CELF5: variants seen among roughly 807,000 people sequenced by gnomAD.
CELF5 encodes CUGBP Elav-like family member 5.
CELF5 carries 6 observed loss-of-function variants against 54.9 expected under a neutral mutation model. The observed-to-expected ratio is 0.11, with a 90% confidence interval of 0.06 to 0.22. CELF5 has a LOEUF of 0.22. Among genes scored for constraint, CELF5 ranks in the 10% least tolerant of loss-of-function variants. The probability of loss-of-function intolerance (pLI) is 1.00; values close to 1 mark genes in which losing one functional copy is unlikely to be tolerated. For synonymous variants in CELF5, 271 were observed against 290.9 expected (o/e 0.93, Z 0.70); for missense variants, 401 against 678.6 (o/e 0.59, Z 4.54).
At chr19:3,235,469 T>C (rs1163783507) in intron 1 of CELF5, among the ~76,000 whole-genome samples, 1 of 68,598 alleles carries the variant, frequency 1.5e-5, no homozygotes, top group East Asian at 3.4e-4. Flanking sequence ...CCTAAAAGAG[T>C]GCTTTGAACA....
chr19:3,257,642 A>G (rs1294364382), intron 2 of CELF5, among the ~76,000 whole-genome samples: 1 of 149,412 alleles, frequency 6.7e-6, no homozygotes. Flanking sequence ...TGCCCGGCTA[A>G]TTTTTGTATT....
At chr19:3,289,992 T>C (rs1184660398) in intron 10 of CELF5, among the ~76,000 whole-genome samples, 1 of 151,770 alleles carries the variant, frequency 6.6e-6, no homozygotes, top group African/African-American at 2.4e-5. Flanking sequence ...TTATCTGGAG[T>C]CTGAGGACCA....
chr19:3,290,147 C>A, intron 10 of CELF5, 84 bp from the exon 11 acceptor site: 3 of 1,030,722 alleles, frequency 2.9e-6, no homozygotes, highest in Admixed American at 2.2e-5. Context: ...AAGCCAGATG[C>A]GGGCTCCAGA....
At chr19:3,260,847 C>T (rs1396228672) in intron 2 of CELF5, among the ~76,000 whole-genome samples, 1 of 151,958 alleles carries the variant, frequency 6.6e-6, no homozygotes, top group Non-Finnish European at 1.5e-5. Context: ...TGGTCTCGAT[C>T]TCCTGACCTC....
chr19:3,263,918 T>A (rs2079844283), intron 2 of CELF5, among the ~76,000 whole-genome samples: 1 of 151,716 alleles, frequency 6.6e-6, no homozygotes, highest in Admixed American at 6.6e-5. Context: ...AATAAATAAA[T>A]AAATAATAAA....
chr19:3,289,706 A>AAAAAAAAAAAAAAAAG (rs2080311436), intron 10 of CELF5, among the ~76,000 whole-genome samples: 1 of 147,554 alleles, frequency 6.8e-6, no homozygotes, highest in Non-Finnish European at 1.5e-5. Flanking sequence ...AAAAAAAAAA[A>AAAAAAAAAAAAAAAAG]AAAAAAAAAT....
At position 3,266,027 on chromosome 19, in the gene CELF5, G is replaced by A. The variant is rs559142694; in HGVS notation, c.343-7845G>A. Among the ~76,000 whole-genome samples, 189 of 152,184 alleles carry A rather than the reference G, an allele frequency of 1.2e-3. 6 individuals are homozygous for A. The South Asian group carries it at 0.039, about 31-fold the overall frequency. On this transcript the variant is annotated intron_variant, in intron 2 of 12. Transcript: ENST00000292672. Reference sequence around the variant, plus strand: ...TCACTATGTTGGTAAGGCTGGTCTCGAACTCCTGACCTCAGGTGATCTGCC... The same window carrying A: ...TCACTATGTTGGTAAGGCTGGTCTCAAACTCCTGACCTCAGGTGATCTGCC...
chr19:3,229,216 A>G, intron 1 of CELF5, among the ~76,000 whole-genome samples: 1 of 151,786 alleles, frequency 6.6e-6, no homozygotes, highest in Non-Finnish European at 1.5e-5. Context: ...AGTGGGCTAG[A>G]TGTTAATCCG....
At chr19:3,288,391 G>T (rs537778923) in intron 10 of CELF5, among the ~76,000 whole-genome samples, 7 of 151,996 alleles carry the variant, frequency 4.6e-5, no homozygotes, top group South Asian at 2.1e-4. Context: ...GCGTGGTGAC[G>T]CATGCCTGTA....
At chr19:3,250,332 CA>C (rs892119051) in intron 1 of CELF5, among the ~76,000 whole-genome samples, 2 of 151,838 alleles carry the variant, frequency 1.3e-5, no homozygotes, top group East Asian at 1.9e-4. Context: ...ACTAAAAATA[CA>C]AAAAAATTAG....
In CELF5 at chr19:3,285,985, C is replaced by T. The variant is rs1361604020; in HGVS notation, c.1146C>T (p.Val382=). 2 of 1,585,486 alleles carry T rather than the reference C, an allele frequency of 1.3e-6. No homozygotes were observed. Among genetic ancestry groups the T allele is most frequent in the African/African-American group, 1.4e-5 (1 of 72,416 alleles). Residue 382 remains valine, a synonymous_variant, in exon 10 of 13, where the codon GTC becomes GTT. Coordinates refer to ENST00000292672, the MANE Select transcript of CELF5 (RefSeq NM_021938.4). The part of the protein sequence containing the change: ...TAAITPIAHS[V]PQPPPLLQQQ... ...CCATCACGCCCATCGCGCACAGCGT[C>T]CCCCAGCCGCCGCCCCTCCTGCAGC...
At chr19:3,263,967 GAAACATAAATACTTACAAAAC>G (rs2079845030) in intron 2 of CELF5, among the ~76,000 whole-genome samples, 1 of 152,134 alleles carries the variant, frequency 6.6e-6, no homozygotes, top group African/African-American at 2.4e-5. Context: ...AAAAGTGCAT[GAAACATAAATACTTACAAAAC>G]AAACATCCTG....
intron 2 of CELF5, among the ~76,000 whole-genome samples, chr19:3,264,578 G>A (rs1466938238): frequency 6.6e-6 from 1 of 151,702 alleles, no homozygotes; most frequent in Non-Finnish European, 1.5e-5. Flanking sequence ...ACCACGCCCG[G>A]CTAATGTTTT....
At chr19:3,270,496 C>T (rs2079943202) in intron 2 of CELF5, 1 of 150,506 alleles carries the variant, frequency 6.6e-6, no homozygotes, top group African/African-American at 2.4e-5. Context: ...TGGCACGCCT[C>T]CTCCCGGCTC....
At position 3,275,991 on chromosome 19, in the gene CELF5, G is replaced by A; in HGVS notation, c.523+7G>A. The A allele has an allele frequency of 6.2e-7, 1 of 1,605,248 alleles. No individual in the cohort carries two copies. The stretch of plus-strand genomic sequence containing the variant: ...CCTGACGGCAGCAGCAAAGGTGACT[G>A]GCGGGGGCCGGGGCGGGACTGCGAG... On this transcript the variant is annotated splice_region_variant and intron_variant, in intron 4 of 12. Transcript: ENST00000292672. This position sits in a 1 kb window ranked among gnomAD's most constrained non-coding sequence, Gnocchi z 6.7.
At chr19:3,264,516 C>T (rs543459256) in intron 2 of CELF5, among the ~76,000 whole-genome samples, 9 of 149,826 alleles carry the variant, frequency 6.0e-5, no homozygotes, top group South Asian at 2.1e-4. Flanking sequence ...CCCGGGTTCA[C>T]GCTATTCTCC....
chr19:3,224,716 C>A lies in CELF5; in HGVS notation c.-24C>A, dbSNP rs1282288527. 14 of 1,066,424 alleles carry A rather than the reference C, an allele frequency of 1.3e-5. No homozygotes were observed. In the East Asian group the frequency reaches 9.6e-4, roughly 73 times the overall value. 66.1% of individuals were successfully genotyped at this position (1,066,424 alleles called of 1,614,324 possible). ...TCCGCCCGCCGCCCGCCGCCGCCGCCGCCGGCTCGGTCCCGCGCCCGCCAT... is the reference window on the plus strand; with the variant it reads ...TCCGCCCGCCGCCCGCCGCCGCCGCAGCCGGCTCGGTCCCGCGCCCGCCAT... On this transcript the variant is annotated 5_prime_UTR_variant, in exon 1 of 13. Coordinates refer to ENST00000292672, the MANE Select transcript of CELF5 (RefSeq NM_021938.4).
chr19:3,269,072 GT>G (rs935722506), intron 2 of CELF5, among the ~76,000 whole-genome samples: 4 of 152,116 alleles, frequency 2.6e-5, no homozygotes, highest in African/African-American at 9.7e-5. Flanking sequence ...TGGGGCCTAG[GT>G]GGGAGGGGAG....
At chr19:3,291,351 G>A (rs2080344427) in intron 11 of CELF5, among the ~76,000 whole-genome samples, 1 of 151,880 alleles carries the variant, frequency 6.6e-6, no homozygotes, top group African/African-American at 2.4e-5. Flanking sequence ...GGTTCACGAG[G>A]TCAGAAGATC....
Sources: allele counts gnomAD v4.1 joint callset (sites outside exome capture counted in the v4.1 genomes callset), GRCh38; gene constraint gnomAD v4.1.1; non-coding constraint Gnocchi (gnomAD v3.1); transcripts MANE v1.5; gene names NCBI Gene and HGNC (gene_info 2026-07-23, HGNC 2026-07-21).